Variants in IQCJ observed in about 807,000 individuals in gnomAD.
IQCJ encodes IQ domain-containing protein J.
A neutral mutation model predicts 11.0 loss-of-function variants in IQCJ; 9 were observed. That is an observed-to-expected ratio of 0.82 (90% confidence interval 0.49 to 1.43). The LOEUF (loss-of-function observed/expected upper bound fraction) is 1.43, where lower values mean the gene tolerates loss of function less well. Among genes scored for constraint, IQCJ ranks in the 40% most tolerant of loss-of-function variants. IQCJ has a pLI of 0.00. For synonymous variants in IQCJ, 55 were observed against 51.3 expected (o/e 1.07, Z -0.31); for missense variants, 146 against 133.2 (o/e 1.10, Z -0.47).
intron 1 of IQCJ, among the ~76,000 whole-genome samples, chr3:159,188,440 C>CA (rs942773302): frequency 1.3e-5 from 2 of 151,876 alleles, no homozygotes; most frequent in East Asian, 1.9e-4. Flanking sequence ...CAACAAAAAA[C>CA]AAAAAAACAA....
chr3:159,190,232 T>A (rs564246732), intron 1 of IQCJ, among the ~76,000 whole-genome samples: 23 of 152,200 alleles, frequency 1.5e-4, no homozygotes, highest in Non-Finnish European at 2.6e-4. Flanking sequence ...ATTTGTGCCA[T>A]CATTTGATCC....
At chr3:159,176,642 A>T (rs1722807312) in intron 1 of IQCJ, among the ~76,000 whole-genome samples, 1 of 152,174 alleles carries the variant, frequency 6.6e-6, no homozygotes, top group African/African-American at 2.4e-5. Flanking sequence ...GGTAAAATTG[A>T]TTTTAGTAAT....
At chr3:159,086,780 C>G (rs1391290420) in intron 1 of IQCJ, among the ~76,000 whole-genome samples, 1 of 152,062 alleles carries the variant, frequency 6.6e-6, no homozygotes, top group Non-Finnish European at 1.5e-5. Flanking sequence ...ATCCTGAGAC[C>G]TTACTGAAGT....
At chr3:159,094,807 T>C (rs1416732265) in intron 1 of IQCJ, among the ~76,000 whole-genome samples, 3 of 151,964 alleles carry the variant, frequency 2.0e-5, no homozygotes, top group African/African-American at 7.3e-5. Flanking sequence ...AATGGTATTT[T>C]AGAGGCATCT....
At chr3:159,216,503 A>G (rs1197420344) in intron 1 of IQCJ, among the ~76,000 whole-genome samples, 1 of 152,146 alleles carries the variant, frequency 6.6e-6, no homozygotes, top group African/African-American at 2.4e-5. Flanking sequence ...TTGCAAGAAT[A>G]GTTATTTAAT....
chr3:159,188,074 C>T (rs1284653546), intron 1 of IQCJ, among the ~76,000 whole-genome samples: 1 of 152,142 alleles, frequency 6.6e-6, no homozygotes, highest in Non-Finnish European at 1.5e-5. Flanking sequence ...ATGCCTCTGC[C>T]ACCATCATTG....
intron 1 of IQCJ, among the ~76,000 whole-genome samples, chr3:159,094,705 AT>A (rs930795540): frequency 6.6e-6 from 1 of 151,750 alleles, no homozygotes; most frequent in African/African-American, 2.4e-5. Context: ...TGAGATTAGA[AT>A]TGGTAAAAGA....
At chr3:159,242,172 A>G (rs1390074774) in intron 1 of IQCJ, among the ~76,000 whole-genome samples, 1 of 152,204 alleles carries the variant, frequency 6.6e-6, no homozygotes, top group Non-Finnish European at 1.5e-5. Flanking sequence ...GGGTGGCAGG[A>G]AATGAGGTCA....
At chr3:159,222,706 A>T (rs902196132) in intron 1 of IQCJ, among the ~76,000 whole-genome samples, 2 of 152,206 alleles carry the variant, frequency 1.3e-5, no homozygotes, top group Non-Finnish European at 2.9e-5. Context: ...AAAATAAAAA[A>T]GCAAAAGCAA....
At chr3:159,123,877 G>A (rs1719520801) in intron 1 of IQCJ, among the ~76,000 whole-genome samples, 1 of 152,132 alleles carries the variant, frequency 6.6e-6, no homozygotes, top group African/African-American at 2.4e-5. Context: ...TCTGAGCTAT[G>A]GGAATATTAG....
intron 2 of IQCJ, among the ~76,000 whole-genome samples, chr3:159,246,922 G>T (rs959663124): frequency 2.0e-5 from 3 of 152,104 alleles, no homozygotes; most frequent in Non-Finnish European, 2.9e-5. Context: ...TTTTGTAAAA[G>T]TTCAACCTAC....
intron 1 of IQCJ, among the ~76,000 whole-genome samples, chr3:159,158,340 A>G (rs1353188165): frequency 6.6e-6 from 1 of 152,226 alleles, no homozygotes; most frequent in Non-Finnish European, 1.5e-5. Flanking sequence ...GCAGAACAAT[A>G]CGTCCTTGAG....
intron 1 of IQCJ, among the ~76,000 whole-genome samples, chr3:159,163,180 T>C (rs1289648429): frequency 2.0e-5 from 3 of 152,082 alleles, no homozygotes; most frequent in Non-Finnish European, 4.4e-5. Flanking sequence ...CTCAATAAAA[T>C]AGTGGCAAAC....
intron 3 of IQCJ, among the ~76,000 whole-genome samples, chr3:159,254,854 T>G (rs1727799668): frequency 6.6e-6 from 1 of 152,168 alleles, no homozygotes; most frequent in Non-Finnish European, 1.5e-5. Context: ...TTAACAACTG[T>G]CCTATGTTTT....
At chr3:159,242,291 A>G (rs777998688) in intron 1 of IQCJ, among the ~76,000 whole-genome samples, 1 of 152,192 alleles carries the variant, frequency 6.6e-6, no homozygotes, top group Non-Finnish European at 1.5e-5. Context: ...AGAAGAAAAC[A>G]TCACTTATCT....
rs1004025625 is a variant in IQCJ, at chr3:159,263,080, T to C, written c.*349T>C. 3 of 997,096 alleles carry C rather than the reference T, an allele frequency of 3.0e-6. No individual in the cohort carries two copies. The highest frequency in any genetic ancestry group is 3.5e-5 in the African/African-American group (2 of 57,538). The allele number at this position is 997,096 out of a possible 1,614,324, so 61.8% of individuals were successfully genotyped here. On this transcript the variant is annotated 3_prime_UTR_variant, in exon 4 of 4. Coordinates refer to ENST00000397832, the MANE Select transcript of IQCJ (RefSeq NM_001042706.3). ...AGAAAGAGAACTTTTACCAGAAGAA[T>C]TGAAAGTGGTCACACACTCAGGGGT...
At chr3:159,228,234 C>G (rs1198367009) in intron 1 of IQCJ, among the ~76,000 whole-genome samples, 1 of 152,178 alleles carries the variant, frequency 6.6e-6, no homozygotes, top group Non-Finnish European at 1.5e-5. Context: ...TAGCAGAAAG[C>G]TCAGCTGAGA....
rs569291076 is a variant in IQCJ at position 159,080,602 on chromosome 3, C to A, written c.9+11161C>A. Among the ~76,000 whole-genome samples, 3 of 152,246 alleles carry A rather than the reference C, an allele frequency of 2.0e-5. No homozygotes were observed. The South Asian group carries it at 6.2e-4, about 32-fold the overall frequency. On this transcript the variant is annotated intron_variant, in intron 1 of 3. Transcript: ENST00000397832. ...AAAGGATTAATTAGGGGAAGAGAAA[C>A]TAACATTTATTTGGGTTGCTATTTG...
intron 1 of IQCJ, among the ~76,000 whole-genome samples, chr3:159,231,378 T>C (rs1726237100): frequency 6.6e-6 from 1 of 152,174 alleles, no homozygotes; most frequent in Non-Finnish European, 1.5e-5. Context: ...TCTTGTTTCT[T>C]CCCCCCACAT....
Sources: allele counts gnomAD v4.1 joint callset (sites outside exome capture counted in the v4.1 genomes callset), GRCh38; gene constraint gnomAD v4.1.1; transcripts MANE v1.5; gene names NCBI Gene and HGNC (gene_info 2026-07-23, HGNC 2026-07-21).